Variants in SYNE2 observed in about 807,000 individuals in gnomAD.
SYNE2 encodes nesprin-2.
Under a neutral mutation model 856.3 loss-of-function variants are expected in SYNE2, and 431 were observed. The observed-to-expected ratio is 0.50, with a 90% CI of 0.47 to 0.55. SYNE2 has a LOEUF of 0.55. SYNE2 is among the 20% of genes least tolerant of loss of function. SYNE2 has a pLI of 0.00. For synonymous variants in SYNE2, 2,923 were observed against 2,872.3 expected (o/e 1.02, Z -0.56); for missense variants, 8,129 against 8,023.2 (o/e 1.01, Z -0.50).
intron 1 of SYNE2, among the ~76,000 whole-genome samples, chr14:63,803,338 G>C (rs193257995): frequency 0.011 from 1,659 of 152,288 alleles, 25 homozygotes; most frequent in African/African-American, 0.038. Context: ...GGGGAGGCTC[G>C]GGCGGCACAG....
At position 64,173,037 on chromosome 14, in the gene SYNE2, A is replaced by C. The variant is rs372875361; in HGVS notation, c.17236-1907A>C. Among the ~76,000 whole-genome samples the C allele has an allele frequency of 1.1e-4, 17 of 152,292 alleles. No individual in the cohort carries two copies. In the East Asian group the frequency reaches 2.5e-3, roughly 22 times the overall value. On this transcript the variant is annotated intron_variant, in intron 94 of 115. Coordinates refer to ENST00000555002, the MANE Select transcript of SYNE2 (RefSeq NM_182914.3). ...GTTACATCTGGGTCTTCTTTTCTGC[A>C]ATAAGATAATGAGGTAACAGGGAGG...
chr14:63,836,797 G>A (rs1411580191), intron 1 of SYNE2, among the ~76,000 whole-genome samples: 1 of 152,154 alleles, frequency 6.6e-6, no homozygotes, highest in Non-Finnish European at 1.5e-5. Flanking sequence ...AATCCTGTAA[G>A]AATGTAAGTT....
intron 45 of SYNE2, among the ~76,000 whole-genome samples, chr14:64,043,064 T>G (rs969296003): frequency 6.6e-6 from 1 of 152,208 alleles, no homozygotes; most frequent in Non-Finnish European, 1.5e-5. Context: ...ATGAGGAACT[T>G]GTTGGGAACT....
chr14:64,030,898 A>T (rs775563865), intron 44 of SYNE2, 118 bp from the exon 45 acceptor site: 3 of 793,380 alleles, frequency 3.8e-6, no homozygotes, highest in Non-Finnish European at 6.3e-6. Context: ...ATGTGATATG[A>T]GTTGTTAAGT....
intron 32 of SYNE2, among the ~76,000 whole-genome samples, chr14:64,013,549 T>G (rs11622913): frequency 0.73 from 111,567 of 151,866 alleles, 44,043 homozygotes; most frequent in Non-Finnish European, 0.88. Flanking sequence ...CCCCATTGTT[T>G]AGCTCCCACT....
At chr14:63,845,195 C>A (rs921680447) in intron 1 of SYNE2, among the ~76,000 whole-genome samples, 3 of 152,088 alleles carry the variant, frequency 2.0e-5, no homozygotes, top group East Asian at 1.9e-4. Flanking sequence ...GCAGGTGGAT[C>A]ACCTGAGGTC....
At position 64,126,599 on chromosome 14, in the gene SYNE2, C is replaced by T. The variant is rs199750072; in HGVS notation, c.13709C>T (p.Thr4570Met). ...TGTCTTCCTTCCTCTCCACTCCAGA[C>T]GCTGGCTCTTGAGTTGAAGAAACTT... ...DGSGQQVHYE[T>M]LALELKKLYL... The change falls in exon 73 of 116, where the codon ACG becomes ATG. Residue 4570 changes from threonine (T) to methionine (M), a missense_variant and splice_region_variant. Physicochemically the swap from Thr to Met is moderately conservative, Grantham distance 81 (BLOSUM62 -1). Transcript: ENST00000555002. The T allele has an allele frequency of 2.0e-5, 33 of 1,614,088 alleles. No homozygotes were observed. The highest frequency in any genetic ancestry group is 8.0e-5 in the African/African-American group (6 of 74,934).
In SYNE2 at chr14:64,007,040, A is replaced by G. The variant is rs769536120; in HGVS notation, c.4398-3A>G. On this transcript the variant is annotated splice_polypyrimidine_tract_variant and splice_region_variant and intron_variant, in intron 30 of 115. Transcript: ENST00000555002. ...TCAAACTTTTTTCTCATTCATAATCAAGGAAAAAATCATTAATCAGACTGG... is the reference window on the plus strand; with the variant it reads ...TCAAACTTTTTTCTCATTCATAATCGAGGAAAAAATCATTAATCAGACTGG... 12 of 1,611,264 alleles carry G rather than the reference A, an allele frequency of 7.4e-6. No individual in the cohort carries two copies. The East Asian group carries it at 2.7e-4, about 36-fold the overall frequency.
At chr14:64,185,236 T>C (rs1408340896) in intron 96 of SYNE2, among the ~76,000 whole-genome samples, 2 of 152,148 alleles carry the variant, frequency 1.3e-5, no homozygotes, top group Admixed American at 6.5e-5. Flanking sequence ...TAGTCTAGCA[T>C]GGGAAACAGG....
chr14:64,032,540 C>T (rs146619107), intron 45 of SYNE2, among the ~76,000 whole-genome samples: 685 of 150,772 alleles, frequency 4.5e-3, no homozygotes, highest in Middle Eastern at 0.017. Context: ...CCACCCTCGG[C>T]GACAGAGTGA....
intron 31 of SYNE2, among the ~76,000 whole-genome samples, chr14:64,009,018 G>C (rs1281061256): frequency 6.6e-6 from 1 of 152,160 alleles, no homozygotes; most frequent in African/African-American, 2.4e-5. Context: ...ACCGGAACCT[G>C]AGTGTACAGG....
At chr14:64,132,516 G>A in intron 77 of SYNE2, 78 bp downstream of exon 77, 1 of 1,550,184 alleles carries the variant, frequency 6.5e-7, no homozygotes, top group Non-Finnish European at 8.9e-7. Context: ...TTGAGAAGAA[G>A]TATCTAGTTA....
At chr14:64,020,455 T>C (rs1270160716) in intron 35 of SYNE2, among the ~76,000 whole-genome samples, 2 of 152,232 alleles carry the variant, frequency 1.3e-5, no homozygotes, top group African/African-American at 2.4e-5. Flanking sequence ...AAAATTAGGA[T>C]CATTTATTCA....
At chr14:64,183,739 C>T (rs2098473674) in intron 96 of SYNE2, among the ~76,000 whole-genome samples, 1 of 152,150 alleles carries the variant, frequency 6.6e-6, no homozygotes, top group South Asian at 2.1e-4. Context: ...CACAGCGAAA[C>T]TCCGTCTCCA....
chr14:63,902,553 TACCTGGGC>T (rs1384075215), intron 1 of SYNE2, among the ~76,000 whole-genome samples: 1 of 152,182 alleles, frequency 6.6e-6, no homozygotes, highest in African/African-American at 2.4e-5. Context: ...GGCTGGAATT[TACCTGGGC>T]ACAGCCGCTG....
chr14:64,143,806 T>G lies in SYNE2; in HGVS notation c.15341T>G (p.Ile5114Arg). ...ATGGAAATGGACTATAAACAGTGGA[T>G]AGTTGACTTCGTTAACCAGTCATTA... is the stretch of plus-strand genomic sequence containing the variant. ...FRMEMDYKQW[I>R]VDFVNQSLLQ... Residue 5114 changes from isoleucine to arginine, a missense_variant, in exon 83 of 116, where the codon ATA (isoleucine) becomes AGA (arginine). By Grantham distance (97) the Ile-to-Arg change is moderately conservative (BLOSUM62 -3). Coordinates refer to ENST00000555002, the MANE Select transcript of SYNE2 (RefSeq NM_182914.3). 2.5e-6 allele frequency: 4 copies of G among 1,614,224 alleles called. No homozygotes were observed. Among genetic ancestry groups the G allele is most frequent in the Non-Finnish European group, 3.4e-6 (4 of 1,180,032 alleles).
chr14:63,901,669 A>G (rs897197187), intron 1 of SYNE2, among the ~76,000 whole-genome samples: 5 of 152,256 alleles, frequency 3.3e-5, no homozygotes. Context: ...TCACATCTGT[A>G]ATCCCAGGAC....
At chr14:64,100,530 AAATAT>A (rs1391321155) in intron 63 of SYNE2, among the ~76,000 whole-genome samples, 19 of 63,854 alleles carry the variant, frequency 3.0e-4, no homozygotes, top group East Asian at 2.0e-3. Flanking sequence ...AAAAAAAAAA[AAATAT>A]ATATATATAT....
chr14:63,893,526 T>A (rs2095183797), intron 1 of SYNE2, among the ~76,000 whole-genome samples: 1 of 152,188 alleles, frequency 6.6e-6, no homozygotes, highest in African/African-American at 2.4e-5. Context: ...ATCGTGCCAC[T>A]GTACTCCAGC....
Sources: gnomAD v4.1 joint callset for allele counts (sites outside exome capture counted in the v4.1 genomes callset) on GRCh38, gnomAD v4.1.1 for gene constraint, MANE v1.5 for transcripts, NCBI Gene and HGNC (gene_info 2026-07-23, HGNC 2026-07-21) for gene names.